Variants in ACVR1 observed in about 807,000 individuals in gnomAD.
ACVR1 encodes the protein activin A receptor type 1.
ACVR1 carries 38 observed loss-of-function variants against 57.1 expected under a neutral mutation model. The ratio of observed to expected loss-of-function variants is 0.67; its 90% CI spans 0.51 to 0.87. The LOEUF (loss-of-function observed/expected upper bound fraction) is 0.87, where lower values mean the gene tolerates loss of function less well. Ranked by LOEUF, ACVR1 falls within the 40% of genes least tolerant of loss-of-function variation. The pLI is 0.00. For synonymous variants in ACVR1, 212 were observed against 228.1 expected, an observed-to-expected ratio of 0.93 and a Z score of 0.63; for missense variants, 463 against 638.2, an observed-to-expected ratio of 0.73 and a Z score of 2.96.
At chr2:157,765,792 A>G (rs1685840459) in intron 8 of ACVR1, 129 bp downstream of exon 8, 1 of 863,566 alleles carries the variant, frequency 1.2e-6, no homozygotes, top group Non-Finnish European at 1.8e-6. Context: ...AAAGGTGTTC[A>G]TTGTAAATGT....
At chr2:157,824,217 C>T (rs1157780608) in intron 1 of ACVR1, among the ~76,000 whole-genome samples, 1 of 152,190 alleles carries the variant, frequency 6.6e-6, no homozygotes, top group Non-Finnish European at 1.5e-5. Context: ...CCTGTAATCC[C>T]TGCACACTGG....
chr2:157,851,599 C>T (rs984113323), intron 1 of ACVR1, among the ~76,000 whole-genome samples: 1 of 152,044 alleles, frequency 6.6e-6, no homozygotes, highest in African/African-American at 2.4e-5. Flanking sequence ...CTGAAAAGAA[C>T]TGTGATCAAA....
chr2:157,753,200 A>C (rs1472323353), intron 9 of ACVR1, among the ~76,000 whole-genome samples: 4 of 152,208 alleles, frequency 2.6e-5, no homozygotes, highest in Non-Finnish European at 5.9e-5. Flanking sequence ...AAGCAACATC[A>C]TTTAAAAAAG....
chr2:157,765,581 G>A (rs1685833244), intron 8 of ACVR1, among the ~76,000 whole-genome samples: 1 of 152,068 alleles, frequency 6.6e-6, no homozygotes, highest in Non-Finnish European at 1.5e-5. Flanking sequence ...AAAAGAAAAA[G>A]CAAATAATGC....
intron 1 of ACVR1, among the ~76,000 whole-genome samples, chr2:157,857,513 T>G (rs1689576700): frequency 6.6e-6 from 1 of 152,182 alleles, no homozygotes; most frequent in African/African-American, 2.4e-5. Flanking sequence ...TCATTCATCA[T>G]CAGCAGGTCC....
intron 9 of ACVR1, among the ~76,000 whole-genome samples, chr2:157,758,734 A>G (rs1685524732): frequency 6.6e-6 from 1 of 152,058 alleles, no homozygotes; most frequent in Admixed American, 6.6e-5. Context: ...TTTATCCAAC[A>G]GCTACAGACT....
chr2:157,784,072 A>G (rs1686624553), intron 3 of ACVR1, among the ~76,000 whole-genome samples: 1 of 152,234 alleles, frequency 6.6e-6, no homozygotes, highest in Middle Eastern at 3.2e-3. Context: ...CTCGGATCTT[A>G]ATATCCACAA....
intron 1 of ACVR1, among the ~76,000 whole-genome samples, chr2:157,830,156 T>A: frequency 6.6e-6 from 1 of 151,636 alleles, no homozygotes; most frequent in East Asian, 1.9e-4. Context: ...GAGGCGGAGG[T>A]TTCAGTGAGC....
intron 1 of ACVR1, among the ~76,000 whole-genome samples, chr2:157,870,652 T>C (rs1690088666): frequency 6.6e-6 from 1 of 152,156 alleles, no homozygotes; most frequent in Non-Finnish European, 1.5e-5. Flanking sequence ...GTCCTAACTA[T>C]AAATAATGAA....
At chr2:157,858,679 C>T (rs557832297) in intron 1 of ACVR1, among the ~76,000 whole-genome samples, 1 of 152,172 alleles carries the variant, frequency 6.6e-6, no homozygotes, top group Non-Finnish European at 1.5e-5. Flanking sequence ...GACGGGGTTT[C>T]ACCATGTTGG....
rs60174999 is a variant in ACVR1, at chr2:157,865,520, G to A, written c.-183+10276C>T. Among the ~76,000 whole-genome samples, 526 of 152,202 alleles carry A rather than the reference G, an allele frequency of 3.5e-3. 1 individual carries two copies. The highest frequency in any genetic ancestry group is 0.012 in the African/African-American group (486 of 41,510). ...ATAGACAGACAGATAGGCAGGGCGC[G>A]GTGGTTCACGCCTGTAATCCCAGCA... On this transcript the variant is annotated intron_variant, in intron 1 of 10. Coordinates refer to ENST00000434821, the MANE Select transcript of ACVR1 (RefSeq NM_001111067.4).
intron 2 of ACVR1, among the ~76,000 whole-genome samples, chr2:157,817,617 T>C (rs1414842845): frequency 5.9e-5 from 9 of 151,906 alleles, no homozygotes; most frequent in Admixed American, 5.2e-4. Flanking sequence ...AGGGGAGGTG[T>C]TGGGGAGATA....
chr2:157,868,231 T>A (rs1359501320), intron 1 of ACVR1, among the ~76,000 whole-genome samples: 5 of 151,896 alleles, frequency 3.3e-5, no homozygotes, highest in African/African-American at 1.2e-4. Context: ...GCGCCTGTAA[T>A]CCCAGCACTC....
At chr2:157,742,493 TC>T (rs1684812520) in intron 9 of ACVR1, among the ~76,000 whole-genome samples, 2 of 152,078 alleles carry the variant, frequency 1.3e-5, no homozygotes, top group African/African-American at 4.8e-5. Flanking sequence ...CATAACCTAC[TC>T]CCCCACAACT....
intron 1 of ACVR1, among the ~76,000 whole-genome samples, chr2:157,819,831 A>G (rs1300312412): frequency 6.6e-6 from 1 of 152,214 alleles, no homozygotes; most frequent in Non-Finnish European, 1.5e-5. Flanking sequence ...AACATTTGCC[A>G]AAGGAAGAGG....
chr2:157,875,414 T>C (rs904885191), intron 1 of ACVR1: 1 of 152,952 alleles, frequency 6.5e-6, no homozygotes, highest in Non-Finnish European at 1.5e-5. Flanking sequence ...CAAGCTCAGC[T>C]AGGAAGGTAA....
intron 1 of ACVR1, chr2:157,826,697 G>GAAGGAAAGGA (rs74187986): frequency 1.3e-3 from 56 of 41,552 alleles, no homozygotes; most frequent in African/African-American, 4.0e-3. Context: ...AAAAGAGAGA[G>GAAGGAAAGGA]AAGGAAAGGA....
intron 9 of ACVR1, among the ~76,000 whole-genome samples, chr2:157,754,891 T>C (rs1206331003): frequency 6.6e-6 from 1 of 151,960 alleles, no homozygotes; most frequent in Admixed American, 6.6e-5. Context: ...TCCCACACCA[T>C]ATCAAAAAAA....
At chr2:157,826,933 G>C (rs1163440899) in intron 1 of ACVR1, among the ~76,000 whole-genome samples, 1 of 141,518 alleles carries the variant, frequency 7.1e-6, no homozygotes, top group Non-Finnish European at 1.5e-5. Flanking sequence ...GGGAAAGAAA[G>C]AAAGAGAGAA....
Sources: allele counts gnomAD v4.1 joint callset (sites outside exome capture counted in the v4.1 genomes callset), GRCh38; gene constraint gnomAD v4.1.1; transcripts MANE v1.5; gene names NCBI Gene and HGNC (gene_info 2026-07-23, HGNC 2026-07-21).